DOK6: variants seen among roughly 807,000 people sequenced by gnomAD.
The protein encoded by DOK6 is docking protein 6, also known as downstream of tyrosine kinase 6.
In DOK6, 22 loss-of-function variants were observed where a neutral mutation model predicts 44.0. That is an observed-to-expected ratio of 0.50 (90% CI 0.36 to 0.71). DOK6 has a LOEUF of 0.71. Among genes scored for constraint, DOK6 ranks in the 30% least tolerant of loss-of-function variants. DOK6 has a pLI of 0.00. For synonymous variants in DOK6, 166 were observed against 145.5 expected, an observed-to-expected ratio of 1.14 and a Z score of -1.01; for missense variants, 340 against 416.4, an observed-to-expected ratio of 0.82 and a Z score of 1.60.
chr18:69,439,084 C>A lies in DOK6; in HGVS notation c.66+37774C>A, dbSNP rs113263490. ...GGTCTCAAAAAACAAACAAAAACAA[C>A]AATCACCTCCTTGCACATTTCCATC... On this transcript the variant is annotated intron_variant, in intron 1 of 7. Coordinates refer to ENST00000382713, the MANE Select transcript of DOK6 (RefSeq NM_152721.6). Among the ~76,000 whole-genome samples the A allele has an allele frequency of 5.3e-3, 801 of 152,022 alleles. 15 individuals are homozygous for A. The highest frequency in any genetic ancestry group is 0.018 in the African/African-American group (753 of 41,462).
intron 3 of DOK6, among the ~76,000 whole-genome samples, chr18:69,611,949 T>TACAC (rs56185499): frequency 0.39 from 58,658 of 149,876 alleles, 11,694 homozygotes; most frequent in Middle Eastern, 0.57. Flanking sequence ...ATATAAAACT[T>TACAC]ACACACACAC....
chr18:69,476,488 C>T (rs982097758), intron 1 of DOK6, among the ~76,000 whole-genome samples: 12 of 151,546 alleles, frequency 7.9e-5, no homozygotes, highest in African/African-American at 1.5e-4. Context: ...TCAGAGTTCC[C>T]GGAGGAAATC....
rs139616868 is a variant in DOK6, at chr18:69,534,748, A to G, written c.67-29739A>G. Among the ~76,000 whole-genome samples, 93 of 152,274 alleles carry G rather than the reference A, an allele frequency of 6.1e-4. 2 individuals carry two copies. Among genetic ancestry groups the G allele is most frequent in the Admixed American group, 1.9e-3 (29 of 15,270 alleles). On this transcript the variant is annotated intron_variant, in intron 1 of 7. Transcript: ENST00000382713. Reference sequence around the variant, plus strand: ...TTATCTATCGTTGCATCAAAACAACATATTCTTAATTCCAATACTTTTATT... The same window carrying G: ...TTATCTATCGTTGCATCAAAACAACGTATTCTTAATTCCAATACTTTTATT...
At chr18:69,609,672 A>G (rs201009208) in intron 3 of DOK6, among the ~76,000 whole-genome samples, 3 of 63,578 alleles carry the variant, frequency 4.7e-5, no homozygotes, top group Admixed American at 1.7e-4. Flanking sequence ...CCCATTTCTG[A>G]GTATTTATCC....
intron 1 of DOK6, among the ~76,000 whole-genome samples, chr18:69,548,832 G>A (rs1982480483): frequency 1.3e-5 from 2 of 151,590 alleles, no homozygotes; most frequent in African/African-American, 2.4e-5. Flanking sequence ...GGTGGCTCAC[G>A]CCTGTAATCC....
intron 7 of DOK6, among the ~76,000 whole-genome samples, chr18:69,827,240 A>G (rs1289165555): frequency 6.6e-6 from 1 of 152,120 alleles, no homozygotes; most frequent in Non-Finnish European, 1.5e-5. Context: ...CAAACTTTCC[A>G]TGACTGATTC....
chr18:69,531,801 G>T (rs575808035), intron 1 of DOK6, among the ~76,000 whole-genome samples: 1 of 152,160 alleles, frequency 6.6e-6, no homozygotes, highest in Admixed American at 6.5e-5. Flanking sequence ...CCTTTTTAAA[G>T]GATATCTCCT....
chr18:69,436,109 T>G (rs1420369391), intron 1 of DOK6, among the ~76,000 whole-genome samples: 1 of 152,120 alleles, frequency 6.6e-6, no homozygotes, highest in African/African-American at 2.4e-5. Context: ...ATCTATGTGA[T>G]AAATCACCGC....
chr18:69,464,170 C>T (rs1371454029), intron 1 of DOK6, among the ~76,000 whole-genome samples: 1 of 152,148 alleles, frequency 6.6e-6, no homozygotes, highest in East Asian at 1.9e-4. Flanking sequence ...TTTTCATAAA[C>T]ATGTCTGCAT....
intron 1 of DOK6, among the ~76,000 whole-genome samples, chr18:69,480,703 G>A (rs994469357): frequency 3.9e-5 from 6 of 152,100 alleles, no homozygotes; most frequent in African/African-American, 1.4e-4. Flanking sequence ...TACACGTGTG[G>A]GGAAGGAGAT....
intron 1 of DOK6, among the ~76,000 whole-genome samples, chr18:69,461,280 T>A (rs1979779251): frequency 6.6e-6 from 1 of 152,196 alleles, no homozygotes; most frequent in South Asian, 2.1e-4. Flanking sequence ...TTCCCAGAAT[T>A]ACTTTTATGT....
chr18:69,553,015 A>G (rs949683004), intron 1 of DOK6, among the ~76,000 whole-genome samples: 1 of 152,230 alleles, frequency 6.6e-6, no homozygotes, highest in African/African-American at 2.4e-5. Flanking sequence ...GCTTTTTGGT[A>G]TTATTTGTCA....
At chr18:69,413,270 A>G (rs568027653) in intron 1 of DOK6, among the ~76,000 whole-genome samples, 91 of 152,234 alleles carry the variant, frequency 6.0e-4, no homozygotes, top group African/African-American at 2.2e-3. Context: ...GTTTTAGAGT[A>G]GTGAATATTA....
intron 7 of DOK6, among the ~76,000 whole-genome samples, chr18:69,773,424 A>G (rs559766612): frequency 1.1e-4 from 16 of 152,132 alleles, no homozygotes; most frequent in African/African-American, 3.8e-4. Context: ...ACAATAGCCA[A>G]GATATGGAAA....
intron 7 of DOK6, among the ~76,000 whole-genome samples, chr18:69,774,717 A>G (rs1226583996): frequency 6.6e-6 from 1 of 151,976 alleles, no homozygotes. Flanking sequence ...ATCTTTAGAC[A>G]TACAGAATAG....
At chr18:69,755,125 AG>A (rs1979312882) in intron 6 of DOK6, among the ~76,000 whole-genome samples, 1 of 152,248 alleles carries the variant, frequency 6.6e-6, no homozygotes, top group Non-Finnish European at 1.5e-5. Flanking sequence ...AAAGCATCCT[AG>A]AACACGAAAA....
At chr18:69,625,050 G>A (rs1984526834) in intron 3 of DOK6, among the ~76,000 whole-genome samples, 1 of 152,008 alleles carries the variant, frequency 6.6e-6, no homozygotes, top group African/African-American at 2.4e-5. Context: ...ACTTGACTTG[G>A]CAACTCTAGT....
At chr18:69,738,899 C>T (rs954887293) in intron 5 of DOK6, 66 bp from the exon 6 acceptor site, 31 of 1,575,348 alleles carry the variant, frequency 2.0e-5, no homozygotes, top group South Asian at 3.5e-5. Context: ...GCTTTGTCTA[C>T]GTGGAAAACT....
chr18:69,605,008 T>C (rs535533954), intron 3 of DOK6, among the ~76,000 whole-genome samples: 1 of 151,722 alleles, frequency 6.6e-6, no homozygotes, highest in Non-Finnish European at 1.5e-5. Flanking sequence ...ATCTGCACCA[T>C]GGCCTCTGGA....
Sources: gnomAD v4.1 joint callset for allele counts (sites outside exome capture counted in the v4.1 genomes callset) on GRCh38, gnomAD v4.1.1 for gene constraint, MANE v1.5 for transcripts, NCBI Gene and HGNC (gene_info 2026-07-23, HGNC 2026-07-21) for gene names.